The following THSD7A variants were observed in gnomAD, a reference collection of about 807,000 sequenced individuals.
THSD7A encodes the protein thrombospondin type-1 domain-containing protein 7A.
In THSD7A, 96 loss-of-function variants were observed where a neutral mutation model predicts 231.3. The ratio of observed to expected loss-of-function variants is 0.41; its 90% CI spans 0.35 to 0.49. The LOEUF is 0.49. THSD7A is among the 20% of genes least tolerant of loss of function. The pLI, the probability that THSD7A is intolerant of heterozygous loss-of-function variation, is 0.05. For synonymous variants in THSD7A, 940 were observed against 743.3 expected (o/e 1.26, Z -4.30); for missense variants, 2,290 against 2,070.2 (o/e 1.11, Z -2.06).
At chr7:11,559,866 C>A (rs1241951815) in intron 4 of THSD7A, among the ~76,000 whole-genome samples, 2 of 152,004 alleles carry the variant, frequency 1.3e-5, no homozygotes, top group Non-Finnish European at 2.9e-5. Flanking sequence ...TTGTTTTGAT[C>A]AAAATGTAAA....
chr7:11,415,994 G>A (rs1783946844), intron 17 of THSD7A, among the ~76,000 whole-genome samples: 1 of 152,084 alleles, frequency 6.6e-6, no homozygotes, highest in Non-Finnish European at 1.5e-5. Flanking sequence ...TGGTTTGCGA[G>A]GCTGCCCGAT....
intron 23 of THSD7A, among the ~76,000 whole-genome samples, chr7:11,394,355 G>A (rs1487232627): frequency 6.6e-6 from 1 of 151,906 alleles, no homozygotes; most frequent in Non-Finnish European, 1.5e-5. Flanking sequence ...CTCCTAAAGG[G>A]CACACTCAAT....
intron 6 of THSD7A, among the ~76,000 whole-genome samples, chr7:11,532,346 G>A (rs1304194237): frequency 2.6e-5 from 4 of 152,136 alleles, no homozygotes; most frequent in Admixed American, 1.3e-4. Flanking sequence ...TGTAGTATAC[G>A]TAGCTGGTAT....
chr7:11,590,618 C>T lies in THSD7A; in HGVS notation c.1295G>A (p.Trp432Ter). 1.9e-6 allele frequency: 3 copies of T among 1,611,556 alleles called. No homozygotes were observed. Among genetic ancestry groups the T allele is most frequent in the Non-Finnish European group, 2.5e-6 (3 of 1,178,870 alleles). The change falls in exon 4 of 28, where the codon TGG becomes TAG. Residue 432 changes from tryptophan (W) to a stop codon, truncating the protein, a stop_gained. Coordinates refer to ENST00000423059, the MANE Select transcript of THSD7A (RefSeq NM_015204.3). LOFTEE classifies it high-confidence loss of function. This position sits in a 1 kb window ranked among gnomAD's most constrained non-coding sequence, Gnocchi z 4.4. ...CAAAGGGTCCACACGGCACTCAGTCCACTCTGTAGTTCTCCAGCCATACCT... is the reference window on the plus strand; with the variant it reads ...CAAAGGGTCCACACGGCACTCAGTCTACTCTGTAGTTCTCCAGCCATACCT... ...CATYGWRTTE[W>*]TECRVDPLLS...
chr7:11,485,180 C>T (rs974691621), intron 6 of THSD7A, among the ~76,000 whole-genome samples: 2 of 152,048 alleles, frequency 1.3e-5, no homozygotes, highest in African/African-American at 4.8e-5. Flanking sequence ...TGAGCCACCG[C>T]ACCCAGACTC....
At chr7:11,787,220 A>G (rs562809337) in intron 1 of THSD7A, among the ~76,000 whole-genome samples, 2 of 152,218 alleles carry the variant, frequency 1.3e-5, no homozygotes, top group Non-Finnish European at 2.9e-5. Flanking sequence ...AAAAAAATAT[A>G]TAATCTAGAC....
intron 2 of THSD7A, among the ~76,000 whole-genome samples, chr7:11,604,545 C>CT (rs59580269): frequency 0.033 from 5,003 of 152,012 alleles, 257 homozygotes; most frequent in African/African-American, 0.11. Context: ...AAAAATGTTT[C>CT]TTTTTTTCCC....
chr7:11,625,914 C>G (rs1781459943), intron 2 of THSD7A, among the ~76,000 whole-genome samples: 2 of 152,106 alleles, frequency 1.3e-5, no homozygotes, highest in African/African-American at 4.8e-5. Context: ...TGCAAGGTCA[C>G]TGCCCCGATC....
chr7:11,720,718 C>A (rs1781321487), intron 1 of THSD7A, among the ~76,000 whole-genome samples: 1 of 151,764 alleles, frequency 6.6e-6, no homozygotes, highest in Non-Finnish European at 1.5e-5. Context: ...CTATAGACAT[C>A]TACATTAATA....
At chr7:11,453,170 A>C (rs999631001) in intron 11 of THSD7A, among the ~76,000 whole-genome samples, 61 of 152,116 alleles carry the variant, frequency 4.0e-4, no homozygotes, top group African/African-American at 1.2e-3. Flanking sequence ...TTTTCAGCAA[A>C]GGGTGAAGCA....
At chr7:11,531,595 G>T (rs931578987) in intron 6 of THSD7A, among the ~76,000 whole-genome samples, 2 of 152,006 alleles carry the variant, frequency 1.3e-5, no homozygotes, top group Non-Finnish European at 1.5e-5. Context: ...TCTCAAATTC[G>T]CATAGGGCTT....
intron 4 of THSD7A, among the ~76,000 whole-genome samples, chr7:11,568,635 AAAAAAAAAAAAAAAAAAAAC>A (rs1447844081): frequency 2.5e-4 from 33 of 134,650 alleles, no homozygotes; most frequent in African/African-American, 1.1e-3. Context: ...AAAAAAAAAA[AAAAAAAAAAAAAAAAAAAAC>A]CAAAATCTGG....
chr7:11,392,454 C>T (rs1783019638), intron 23 of THSD7A, among the ~76,000 whole-genome samples: 1 of 152,190 alleles, frequency 6.6e-6, no homozygotes, highest in African/African-American at 2.4e-5. Flanking sequence ...AACTGGGTGG[C>T]TGTTTGGGCA....
chr7:11,474,612 A>G lies in THSD7A; in HGVS notation c.2018-44T>C. On this transcript the variant is annotated intron_variant, in intron 7 of 27. Transcript: ENST00000423059. The surrounding 1 kb of genome is among the most constrained non-coding windows in gnomAD (Gnocchi z 4.1). ...ATAGCAAATTAGATACGGTGCCAAC[A>G]GGAACCTTACCATACTCTGTTCTTT... is the stretch of plus-strand genomic sequence containing the variant. The G allele has an allele frequency of 6.7e-7, 1 of 1,488,542 alleles. No individual in the cohort carries two copies. The highest frequency in any genetic ancestry group is 1.2e-5 in the South Asian group (1 of 81,134). The allele number at this position is 1,488,542 out of a possible 1,614,324, so 92.2% of individuals were successfully genotyped here.
intron 1 of THSD7A, among the ~76,000 whole-genome samples, chr7:11,715,700 T>C (rs931326547): frequency 2.0e-5 from 3 of 151,484 alleles, no homozygotes; most frequent in African/African-American, 7.3e-5. Flanking sequence ...ATTAGAGATA[T>C]TTGGATTTAA....
chr7:11,795,728 G>A (rs931909481), intron 1 of THSD7A, among the ~76,000 whole-genome samples: 25 of 151,610 alleles, frequency 1.6e-4, no homozygotes, highest in Non-Finnish European at 2.9e-4. Context: ...ATGATAGAAA[G>A]CAAAAAAACT....
At chr7:11,740,774 T>G (rs982663378) in intron 1 of THSD7A, among the ~76,000 whole-genome samples, 1 of 151,990 alleles carries the variant, frequency 6.6e-6, no homozygotes, top group African/African-American at 2.4e-5. Flanking sequence ...GTATATTGTG[T>G]GTGCATTTGT....
rs1390661307 is a variant in THSD7A at position 11,402,048 on chromosome 7, G to C, written c.4238-80C>G. 3.4e-6 allele frequency: 4 copies of C among 1,186,400 alleles called. No homozygotes were observed. In the South Asian group the frequency reaches 4.5e-5, roughly 13 times the overall value. The allele number at this position is 1,186,400 out of a possible 1,614,324, so 73.5% of individuals were successfully genotyped here. The stretch of plus-strand genomic sequence containing the variant: ...GATAATCATTTTAATTCCAACCCCA[G>C]TAGGCAATGTTTCTGGTATCCCAGG... On this transcript the variant is annotated intron_variant, in intron 22 of 27. Transcript: ENST00000423059.
Position 11,636,422 on chromosome 7 carries a change from T to G in THSD7A, c.730A>C (p.Ser244Arg). Reference protein sequence around the residue: ...NLTEFQVCQSSPCEAEELRYS... With the variant: ...NLTEFQVCQSRPCEAEELRYS... ...CTGAGCTCCTCGGCCTCGCATGGAC[T>G]GGATTGGCACACCTGGAACTCCGTC... Residue 244 changes from serine (S) to arginine (R), a missense_variant, in exon 2 of 28, where the codon AGT becomes CGT. Transcript: ENST00000423059. The surrounding 1 kb of genome is among the most constrained non-coding windows in gnomAD (Gnocchi z 10.0). 1 of 1,613,716 alleles carries G rather than the reference T, an allele frequency of 6.2e-7. No homozygotes were observed. The highest frequency in any genetic ancestry group is 8.5e-7 in the Non-Finnish European group (1 of 1,179,862).
Sources: allele counts gnomAD v4.1 joint callset (sites outside exome capture counted in the v4.1 genomes callset), GRCh38; gene constraint gnomAD v4.1.1; non-coding constraint Gnocchi (gnomAD v3.1); transcripts MANE v1.5; gene names NCBI Gene and HGNC (gene_info 2026-07-23, HGNC 2026-07-21).